Variants in NETO2 observed in about 807,000 individuals in gnomAD.
NETO2 encodes neuropilin and tolloid like 2.
In NETO2, 28 loss-of-function variants were observed where a neutral mutation model predicts 62.5. The observed-to-expected ratio is 0.45, with a 90% CI of 0.33 to 0.61. The LOEUF (loss-of-function observed/expected upper bound fraction) is 0.61. Ranked by LOEUF, NETO2 falls within the 20% of genes least tolerant of loss-of-function variation. NETO2 has a pLI of 0.02. For missense variants in NETO2, 548 were observed against 643.2 expected, an observed-to-expected ratio of 0.85 and a Z score of 1.60; for synonymous variants, 214 against 219.1, an observed-to-expected ratio of 0.98 and a Z score of 0.21.
At chr16:47,142,192 G>A (rs1964473638) in intron 1 of NETO2, among the ~76,000 whole-genome samples, 1 of 152,142 alleles carries the variant, frequency 6.6e-6, no homozygotes, top group Admixed American at 6.5e-5. Flanking sequence ...AAAATTAGGA[G>A]TTAGAGATAT....
At chr16:47,119,845 GC>G (rs1964002110) in intron 6 of NETO2, among the ~76,000 whole-genome samples, 1 of 152,068 alleles carries the variant, frequency 6.6e-6, no homozygotes, top group African/African-American at 2.4e-5. Flanking sequence ...TGGTTTAATT[GC>G]ATTTCTGTCA....
chr16:47,092,010 T>C (rs2143822984), intron 7 of NETO2, among the ~76,000 whole-genome samples: 1 of 151,946 alleles, frequency 6.6e-6, no homozygotes, highest in African/African-American at 2.4e-5. Flanking sequence ...GCCCAACTCA[T>C]TTAAAACTGT....
At position 47,083,671 on chromosome 16, in the gene NETO2, C is replaced by T; in HGVS notation, c.1128G>A (p.Lys376=). ...TAAAAGCGGTTTTGCAAGCCATGAC[C>T]TTTTTTCGAGGCTGTTTCACTTGTA... is the stretch of plus-strand genomic sequence containing the variant. ...ILVQVKQPRK[K]VMACKTAFNK... is the part of the protein sequence containing the mutation. Residue 376 remains lysine (K), a synonymous_variant, in exon 9 of 9, where the codon AAG becomes AAA. Transcript: ENST00000562435. The T allele has an allele frequency of 1.2e-6, 2 of 1,614,142 alleles. No homozygotes were observed. The highest frequency in any genetic ancestry group is 1.7e-6 in the Non-Finnish European group (2 of 1,180,018).
Position 47,086,235 on chromosome 16 carries a change from G to C in NETO2, c.988C>G (p.His330Asp). 6.3e-7 allele frequency: 1 copy of C among 1,597,232 alleles called. No individual in the cohort carries two copies. Among genetic ancestry groups the C allele is most frequent in the South Asian group, 1.1e-5 (1 of 90,728 alleles). The part of the protein sequence containing the change: ...QNCAYPWDEN[H>D]CKEKKKAGVF... ...TTTACATCAAACTCACCTTTACAATGATTTTCATCCCAAGGGTATGCACAA... is the reference window on the plus strand; with the variant it reads ...TTTACATCAAACTCACCTTTACAATCATTTTCATCCCAAGGGTATGCACAA... The change falls in exon 8 of 9, where the codon CAT becomes GAT. Residue 330 changes from histidine to aspartate, a missense_variant. Transcript: ENST00000562435.
intron 1 of NETO2, among the ~76,000 whole-genome samples, chr16:47,132,365 T>A (rs1964283533): frequency 1.3e-5 from 2 of 152,164 alleles, no homozygotes; most frequent in Admixed American, 1.3e-4. Flanking sequence ...CTCTATTTAC[T>A]GTAGTCCATC....
chr16:47,104,356 A>G lies in NETO2; in HGVS notation c.883+5127T>C, dbSNP rs188049459. 4.6e-5 allele frequency among the ~76,000 whole-genome samples: 7 copies of G among 152,396 alleles called. No homozygotes were observed. The East Asian group carries it at 7.7e-4, about 17-fold the overall frequency. ...AAAACATTTGTATGCTGAAAACTAC[A>G]AAACATTGCTGAATGAATTACAGAT... On this transcript the variant is annotated intron_variant, in intron 7 of 8. Coordinates refer to ENST00000562435, the MANE Select transcript of NETO2 (RefSeq NM_018092.5).
In NETO2 at chr16:47,081,018, T is replaced by C. The variant is rs1380881877; in HGVS notation, c.*2203A>G. On this transcript the variant is annotated 3_prime_UTR_variant, in exon 9 of 9. Coordinates refer to ENST00000562435, the MANE Select transcript of NETO2 (RefSeq NM_018092.5). ...TGTGTACTTCTATTTTACTGTTATGTCTTCTTTAAAGGCTCTGTATTTTGT... is the reference window on the plus strand; with the variant it reads ...TGTGTACTTCTATTTTACTGTTATGCCTTCTTTAAAGGCTCTGTATTTTGT... 2 of 152,186 alleles carry C rather than the reference T, an allele frequency of 1.3e-5. No individual in the cohort carries two copies. Among genetic ancestry groups the C allele is most frequent in the Non-Finnish European group, 2.9e-5 (2 of 68,012 alleles). 9.4% of individuals were successfully genotyped at this position (152,186 alleles called of 1,614,324 possible). A position where few individuals can be genotyped will look rare whatever the true frequency, so the allele number is the denominator to read the frequency against.
chr16:47,124,320 T>C (rs1271003675), intron 4 of NETO2, among the ~76,000 whole-genome samples: 1 of 152,210 alleles, frequency 6.6e-6, no homozygotes, highest in Admixed American at 6.5e-5. Context: ...AACTATTTCA[T>C]ATGTATTCCA....
intron 7 of NETO2, among the ~76,000 whole-genome samples, chr16:47,088,386 G>A (rs949641628): frequency 2.0e-5 from 3 of 152,148 alleles, no homozygotes; most frequent in African/African-American, 4.8e-5. Flanking sequence ...GATTACAGGC[G>A]TGAGCCACTG....
rs374294462 is a variant in NETO2 at position 47,128,583 on chromosome 16, A to C, written c.233-10T>G. ...CTTTGACGTGGAGCAGCTAGAAAATAAGAGTAAGCAAATCAGGACAACACA... is the reference window on the plus strand; with the variant it reads ...CTTTGACGTGGAGCAGCTAGAAAATCAGAGTAAGCAAATCAGGACAACACA... On this transcript the variant is annotated splice_polypyrimidine_tract_variant and intron_variant, in intron 3 of 8. Coordinates refer to ENST00000562435, the MANE Select transcript of NETO2 (RefSeq NM_018092.5). 3 of 1,607,762 alleles carry C rather than the reference A, an allele frequency of 1.9e-6. No individual in the cohort carries two copies. Among genetic ancestry groups the C allele is most frequent in the Non-Finnish European group, 1.7e-6 (2 of 1,179,022 alleles).
intron 7 of NETO2, among the ~76,000 whole-genome samples, chr16:47,088,517 G>A (rs1179015459): frequency 1.3e-5 from 2 of 152,146 alleles, no homozygotes; most frequent in African/African-American, 4.8e-5. Context: ...ACCAAGGAGG[G>A]AGAATCGAAT....
chr16:47,141,986 G>A (rs922191557), intron 1 of NETO2, among the ~76,000 whole-genome samples: 2 of 152,162 alleles, frequency 1.3e-5, no homozygotes, highest in African/African-American at 4.8e-5. Flanking sequence ...CAGGTAAAGC[G>A]GTGTGACAGA....
intron 7 of NETO2, among the ~76,000 whole-genome samples, chr16:47,098,709 C>A (rs1388774744): frequency 6.6e-6 from 1 of 151,994 alleles, no homozygotes; most frequent in Admixed American, 6.6e-5. Context: ...GAAGAGCAAC[C>A]CCAAGACACA....
intron 1 of NETO2, among the ~76,000 whole-genome samples, chr16:47,141,853 A>G (rs1276292986): frequency 6.6e-6 from 1 of 152,354 alleles, no homozygotes; most frequent in South Asian, 2.1e-4. Context: ...CTTCACCACG[A>G]TGGCCAGAGA....
intron 7 of NETO2, among the ~76,000 whole-genome samples, chr16:47,094,948 G>A (rs1166829476): frequency 2.0e-5 from 3 of 152,090 alleles, no homozygotes; most frequent in African/African-American, 7.2e-5. Flanking sequence ...GAGCTCAAGC[G>A]ATCCACCCGC....
chr16:47,143,169 C>T (rs1426373849), intron 1 of NETO2, among the ~76,000 whole-genome samples: 1 of 152,134 alleles, frequency 6.6e-6, no homozygotes, highest in African/African-American at 2.4e-5. Flanking sequence ...CGTGGAATTA[C>T]TTTTTGCCAT....
intron 7 of NETO2, among the ~76,000 whole-genome samples, chr16:47,092,484 T>C (rs1297305387): frequency 2.0e-5 from 3 of 152,202 alleles, no homozygotes; most frequent in East Asian, 3.8e-4. Context: ...GAGGCGTTTT[T>C]ATAATGATAG....
At chr16:47,102,004 G>C (rs1262870429) in intron 7 of NETO2, among the ~76,000 whole-genome samples, 1 of 152,158 alleles carries the variant, frequency 6.6e-6, no homozygotes, top group Non-Finnish European at 1.5e-5. Flanking sequence ...AACAAAGCTG[G>C]AGGCATCATG....
At chr16:47,090,814 G>A (rs1963296770) in intron 7 of NETO2, among the ~76,000 whole-genome samples, 1 of 152,084 alleles carries the variant, frequency 6.6e-6, no homozygotes, top group Non-Finnish European at 1.5e-5. Context: ...TCAGTGCCTG[G>A]GAAGAAGCCA....
Sources: allele counts gnomAD v4.1 joint callset (sites outside exome capture counted in the v4.1 genomes callset), GRCh38; gene constraint gnomAD v4.1.1; transcripts MANE v1.5; gene names NCBI Gene and HGNC (gene_info 2026-07-23, HGNC 2026-07-21).